The following MAGI2 variants were observed in gnomAD, a reference collection of about 807,000 sequenced individuals.
MAGI2 encodes the protein membrane-associated guanylate kinase, WW and PDZ domain-containing protein 2.
In MAGI2, 35 loss-of-function variants were observed where a neutral mutation model predicts 133.3. That is an observed-to-expected ratio of 0.26 (90% confidence interval 0.20 to 0.35). MAGI2 has a LOEUF of 0.35. Among genes scored for constraint, MAGI2 ranks in the 10% least tolerant of loss-of-function variants. The pLI, the probability that MAGI2 is intolerant of heterozygous loss-of-function variation, is 1.00. For missense variants in MAGI2, 1,636 were observed against 1,863.4 expected, an observed-to-expected ratio of 0.88 and a Z score of 2.25; for synonymous variants, 729 against 710.6, an observed-to-expected ratio of 1.03 and a Z score of -0.41.
At chr7:78,917,443 A>G (rs1286255976) in intron 2 of MAGI2, among the ~76,000 whole-genome samples, 1 of 152,012 alleles carries the variant, frequency 6.6e-6, no homozygotes, top group East Asian at 1.9e-4. Context: ...AGGACTGTGA[A>G]GAGGAATAGA....
At chr7:78,409,764 T>C (rs550154519) in intron 6 of MAGI2, among the ~76,000 whole-genome samples, 1 of 152,206 alleles carries the variant, frequency 6.6e-6, no homozygotes, top group Admixed American at 6.6e-5. Context: ...TACATGTTTC[T>C]TGAAGGAAGC....
At chr7:78,774,401 C>T (rs199975958) in intron 2 of MAGI2, among the ~76,000 whole-genome samples, 1 of 152,236 alleles carries the variant, frequency 6.6e-6, no homozygotes, top group Non-Finnish European at 1.5e-5. Context: ...TAACGCTGTA[C>T]GAAGCCTCAC....
chr7:78,395,552 G>C (rs1361817139), intron 6 of MAGI2, among the ~76,000 whole-genome samples: 1 of 152,138 alleles, frequency 6.6e-6, no homozygotes, highest in Non-Finnish European at 1.5e-5. Flanking sequence ...CATTTTTGCA[G>C]CTTAATGTAG....
chr7:78,167,546 T>C (rs1200508321), intron 15 of MAGI2, among the ~76,000 whole-genome samples: 1 of 152,238 alleles, frequency 6.6e-6, no homozygotes, highest in Non-Finnish European at 1.5e-5. Flanking sequence ...CATTATGGCA[T>C]CAAAATGCTG....
At chr7:79,222,144 G>T (rs1414778822) in intron 1 of MAGI2, among the ~76,000 whole-genome samples, 1 of 151,866 alleles carries the variant, frequency 6.6e-6, no homozygotes, top group African/African-American at 2.4e-5. Context: ...AATATCCAGA[G>T]GAAACCAGTC....
intron 3 of MAGI2, among the ~76,000 whole-genome samples, chr7:78,565,474 TA>T (rs59788873): frequency 0.044 from 5,722 of 128,910 alleles, 310 homozygotes; most frequent in African/African-American, 0.14. Flanking sequence ...TCTAAAACGC[TA>T]AAAAAAAAAA....
chr7:79,118,292 C>T (rs1238821950), intron 1 of MAGI2, among the ~76,000 whole-genome samples: 1 of 152,128 alleles, frequency 6.6e-6, no homozygotes, highest in African/African-American at 2.4e-5. Flanking sequence ...TAGTCATCTT[C>T]CTTGTAAATG....
chr7:78,032,428 T>G (rs757828276), intron 21 of MAGI2, among the ~76,000 whole-genome samples: 1 of 152,130 alleles, frequency 6.6e-6, no homozygotes, highest in Non-Finnish European at 1.5e-5. Flanking sequence ...TTGCCCAGGA[T>G]GGTCTTGAAC....
At chr7:79,416,975 G>A (rs564264732) in intron 1 of MAGI2, among the ~76,000 whole-genome samples, 4 of 151,630 alleles carry the variant, frequency 2.6e-5, no homozygotes, top group Non-Finnish European at 5.9e-5. Context: ...CTTGTGATCT[G>A]CCCACCTCAG....
At position 78,557,821 on chromosome 7, in the gene MAGI2, A is replaced by G. The variant is rs567080059; in HGVS notation, c.539-36176T>C. Among the ~76,000 whole-genome samples, 10 of 152,304 alleles carry G rather than the reference A, an allele frequency of 6.6e-5. No individual in the cohort carries two copies. In the East Asian group the frequency reaches 1.5e-3, roughly 23 times the overall value. The stretch of plus-strand genomic sequence containing the variant: ...CGGATTTCAGTGTAATCAGAGGTAC[A>G]GTTTTTGCTTATTGATTATTTAAAA... On this transcript the variant is annotated intron_variant, in intron 3 of 21. Transcript: ENST00000354212.
At chr7:79,232,042 T>C (rs895672210) in intron 1 of MAGI2, among the ~76,000 whole-genome samples, 4 of 152,248 alleles carry the variant, frequency 2.6e-5, no homozygotes, top group African/African-American at 9.6e-5. Context: ...CTGCATCTAT[T>C]GAGATAATCA....
chr7:78,242,103 C>T (rs1373872180), intron 10 of MAGI2, among the ~76,000 whole-genome samples: 3 of 152,174 alleles, frequency 2.0e-5, no homozygotes, highest in South Asian at 2.1e-4. Context: ...CACACAAGAA[C>T]GTGTACTACC....
chr7:79,346,042 G>A (rs1462434304), intron 1 of MAGI2, among the ~76,000 whole-genome samples: 2 of 151,962 alleles, frequency 1.3e-5, no homozygotes, highest in Non-Finnish European at 2.9e-5. Context: ...TTACTAGTCA[G>A]ATTAAATGAA....
chr7:79,430,216 ATT>A (rs1339709708), intron 1 of MAGI2, among the ~76,000 whole-genome samples: 2 of 152,132 alleles, frequency 1.3e-5, no homozygotes, highest in Admixed American at 1.3e-4. Context: ...AATCTCCTGT[ATT>A]TAGTTATTTC....
chr7:79,128,761 C>T (rs960549257), intron 1 of MAGI2, among the ~76,000 whole-genome samples: 7 of 152,174 alleles, frequency 4.6e-5, no homozygotes, highest in African/African-American at 1.4e-4. Context: ...TCCAGATTCT[C>T]CTAACTTATG....
At chr7:78,228,975 A>T (rs1219886085) in intron 10 of MAGI2, among the ~76,000 whole-genome samples, 1 of 152,278 alleles carries the variant, frequency 6.6e-6, no homozygotes, top group East Asian at 1.9e-4. Context: ...AGGAAGGTGG[A>T]GACCATCTAG....
At chr7:78,608,665 T>C (rs1195741057) in intron 3 of MAGI2, among the ~76,000 whole-genome samples, 1 of 152,144 alleles carries the variant, frequency 6.6e-6, no homozygotes, top group Non-Finnish European at 1.5e-5. Context: ...TGTTGATTTA[T>C]GTAATAAAAT....
chr7:79,083,303 ATTTT>A (rs35248312), intron 1 of MAGI2, among the ~76,000 whole-genome samples: 3 of 142,222 alleles, frequency 2.1e-5, no homozygotes, highest in African/African-American at 2.6e-5. Flanking sequence ...GTATGATGTT[ATTTT>A]TTTTTTTTTT....
At chr7:78,739,290 G>A (rs769889026) in intron 2 of MAGI2, among the ~76,000 whole-genome samples, 1 of 152,126 alleles carries the variant, frequency 6.6e-6, no homozygotes, top group East Asian at 1.9e-4. Context: ...GTCAAACACC[G>A]AACTTGAATA....
Sources: gnomAD v4.1 joint callset for allele counts (sites outside exome capture counted in the v4.1 genomes callset) on GRCh38, gnomAD v4.1.1 for gene constraint, MANE v1.5 for transcripts, NCBI Gene and HGNC (gene_info 2026-07-23, HGNC 2026-07-21) for gene names.